Variants in CSF2RA observed in about 807,000 individuals in gnomAD.
CSF2RA encodes granulocyte-macrophage colony-stimulating factor receptor subunit alpha.
In CSF2RA, 42 loss-of-function variants were observed where a neutral mutation model predicts 51.6. The observed-to-expected ratio is 0.81, with a 90% CI of 0.64 to 1.05. CSF2RA has a LOEUF of 1.05. Among genes scored for constraint, CSF2RA ranks in the 50% least tolerant of loss-of-function variants. The pLI, the probability that CSF2RA is intolerant of heterozygous loss-of-function variation, is 0.00. For missense variants in CSF2RA, 530 were observed against 501.1 expected (o/e 1.06, Z -0.55); for synonymous variants, 222 against 193.0 (o/e 1.15, Z -1.24).
rs1387848914 is a variant in CSF2RA at position 1,294,382 on chromosome X, T to G, written c.701T>G (p.Leu234Arg). Residue 234 changes from leucine (L) to arginine (R), a missense_variant, in exon 8 of 13, where the codon CTC becomes CGC. Leu to Arg is a moderately radical substitution (Grantham distance 102). Coordinates refer to ENST00000381529, the MANE Select transcript of CSF2RA (RefSeq NM_172245.4). ...VTVRCNTTHCLVRWKQPRTYQ... is the reference protein window; with the variant it reads ...VTVRCNTTHCRVRWKQPRTYQ... Reference sequence around the variant, plus strand: ...GTACGTTGCAACACGACGCACTGCCTCGTACGGTGGAAACAGCCCAGGACC... The same window carrying G: ...GTACGTTGCAACACGACGCACTGCCGCGTACGGTGGAAACAGCCCAGGACC... 6.2e-7 allele frequency: 1 copy of G among 1,613,750 alleles called. No individual in the cohort carries two copies. Among genetic ancestry groups the G allele is most frequent in the Non-Finnish European group, 8.5e-7 (1 of 1,179,862 alleles).
At chrX:1,321,359 C>G in the CSF2RA span, among the ~76,000 whole-genome samples, 3 of 152,018 alleles carry the variant, frequency 2.0e-5, no homozygotes, top group Non-Finnish European at 4.4e-5. Context: ...GTCCCAGCTA[C>G]TCGGGAGGCT....
chrX:1,291,996 A>G (rs1363305868), intron 7 of CSF2RA, among the ~76,000 whole-genome samples: 1 of 148,976 alleles, frequency 6.7e-6, no homozygotes, highest in Admixed American at 6.8e-5. Flanking sequence ...CAGTGTAGAC[A>G]AAGAGGTGTC....
intron 1 of CSF2RA, among the ~76,000 whole-genome samples, chrX:1,273,889 C>CAT (rs1569489308): frequency 1.3e-5 from 2 of 151,870 alleles, no homozygotes; most frequent in African/African-American, 4.8e-5. Flanking sequence ...TGAGTCACCG[C>CAT]GCCCGGCATG....
intron 4 of CSF2RA, among the ~76,000 whole-genome samples, chrX:1,288,132 C>G (rs187163002): frequency 2.8e-4 from 42 of 152,010 alleles, no homozygotes; most frequent in Admixed American, 5.9e-4. Context: ...TCGGAGGAAG[C>G]TTAGGGGGAT....
At chrX:1,300,345 C>G in intron 9 of CSF2RA, 146 bp from the exon 10 acceptor site, 1 of 967,386 alleles carries the variant, frequency 1.0e-6, no homozygotes, top group Non-Finnish European at 1.6e-6. Flanking sequence ...CCGATCAGAC[C>G]AAGTGCATTC....
At chrX:1,281,334 CTCCTCCTTCTCCTCT>C (rs1569494990) in intron 2 of CSF2RA, among the ~76,000 whole-genome samples, 4 of 135,806 alleles carry the variant, frequency 2.9e-5, no homozygotes, top group Non-Finnish European at 4.7e-5. Context: ...CCTTCTCCTC[CTCCTCCTTCTCCTCT>C]TCCTCCTTCT....
chrX:1,290,215 GTTTTGTGTTTTTGTGTTTTGTGT>G (rs1415239192), intron 6 of CSF2RA, 99 bp from the exon 7 acceptor site: 1 of 755,952 alleles, frequency 1.3e-6, no homozygotes, highest in African/African-American at 2.0e-5. Flanking sequence ...TTGTGTTTTT[GTTTTGTGTTTTTGTGTTTTGTGT>G]TTTTGTGTTT....
chrX:1,268,922 G>C (rs1216887930), intron 1 of CSF2RA, 43 bp downstream of exon 1: 1 of 453,796 alleles, frequency 2.2e-6, no homozygotes, highest in East Asian at 7.0e-5. Flanking sequence ...AGCATGTCGA[G>C]TCACCCGGGT....
Position 1,285,763 on chromosome X carries a change from GC to G in CSF2RA, c.77-12del, listed in dbSNP as rs765488984. On this transcript the variant is annotated splice_polypyrimidine_tract_variant and intron_variant, in intron 3 of 12. Transcript: ENST00000381529. ...GAAAAGAGGAAATTCTGAACCCAGTGCCCGCTCCTTGCAGATCTGCGAACAG... is the reference window on the plus strand; with the variant it reads ...GAAAAGAGGAAATTCTGAACCCAGTGCCGCTCCTTGCAGATCTGCGAACAG... The G allele has an allele frequency of 6.3e-7, 1 of 1,588,894 alleles. No homozygotes were observed. Among genetic ancestry groups the G allele is most frequent in the South Asian group, 1.1e-5 (1 of 90,378 alleles).
chrX:1,295,312 C>T lies in CSF2RA; in HGVS notation c.781-115C>T, dbSNP rs1254623072. The T allele has an allele frequency of 1.9e-5, 25 of 1,345,856 alleles. No homozygotes were observed. In the African/African-American group the frequency reaches 3.0e-4, roughly 16 times the overall value. 83.4% of individuals were successfully genotyped at this position (1,345,856 alleles called of 1,614,324 possible). ...GTGGAGGGAGACCTGCCTGCCACTC[C>T]GCAGGGACTCCTTCCCATTCGGTGC... On this transcript the variant is annotated intron_variant, in intron 8 of 12. Coordinates refer to ENST00000381529, the MANE Select transcript of CSF2RA (RefSeq NM_172245.4).
At chrX:1,282,613 G>T in intron 2 of CSF2RA, 65 bp from the exon 3 acceptor site, 1 of 1,190,560 alleles carries the variant, frequency 8.4e-7, no homozygotes, top group Middle Eastern at 1.9e-4. Context: ...CCTCCCTGGG[G>T]TCCCCTGCCA....
chrX:1,323,126 C>G, the CSF2RA span, among the ~76,000 whole-genome samples: 41 of 90,070 alleles, frequency 4.6e-4, no homozygotes, highest in African/African-American at 1.5e-3. Flanking sequence ...GAGATTCCGT[C>G]TCAAAAAAAA....
intron 6 of CSF2RA, among the ~76,000 whole-genome samples, chrX:1,289,318 G>C (rs1477543555): frequency 6.6e-6 from 1 of 152,072 alleles, no homozygotes; most frequent in Middle Eastern, 3.2e-3. Context: ...AGTAGAGACA[G>C]GGTTTCACCA....
chrX:1,297,835 T>C, intron 9 of CSF2RA, among the ~76,000 whole-genome samples: 1 of 124,654 alleles, frequency 8.0e-6, no homozygotes, highest in Non-Finnish European at 1.7e-5. Context: ...TACAGTCCCC[T>C]ACTCACGACC....
chrX:1,292,730 G>A (rs770761328), intron 7 of CSF2RA, among the ~76,000 whole-genome samples: 2 of 152,220 alleles, frequency 1.3e-5, no homozygotes, highest in South Asian at 4.1e-4. Context: ...AGAATAGAAC[G>A]AATGTACGAT....
chrX:1,286,020 C>G (rs866860996), intron 4 of CSF2RA, 100 bp downstream of exon 4: 12 of 1,420,878 alleles, frequency 8.4e-6, no homozygotes, highest in African/African-American at 2.8e-5. Context: ...CGCCTGTCAT[C>G]CCAGCACTTT....
intron 6 of CSF2RA, 57 bp from the exon 7 acceptor site, chrX:1,290,272 GTTTTGTGT>G: frequency 1.5e-6 from 2 of 1,315,682 alleles, no homozygotes; most frequent in Non-Finnish European, 2.2e-6. Context: ...TTTTTGTTTT[GTTTTGTGT>G]TTTTGTGTTT....
At chrX:1,318,874 G>A in the CSF2RA span, among the ~76,000 whole-genome samples, 9 of 146,476 alleles carry the variant, frequency 6.1e-5, no homozygotes, top group East Asian at 6.4e-4. Context: ...CCGAGATCGT[G>A]CCACTGCACT....
intron 11 of CSF2RA, among the ~76,000 whole-genome samples, chrX:1,305,072 C>A (rs2083426775): frequency 6.6e-6 from 1 of 151,506 alleles, no homozygotes; most frequent in African/African-American, 2.4e-5. Context: ...CGGCTCACTG[C>A]AACCTCCACC....
Sources: allele counts gnomAD v4.1 joint callset (sites outside exome capture counted in the v4.1 genomes callset), GRCh38; gene constraint gnomAD v4.1.1; transcripts MANE v1.5; gene names NCBI Gene and HGNC (gene_info 2026-07-23, HGNC 2026-07-21).